KCNH7: variants seen among roughly 807,000 people sequenced by gnomAD.
KCNH7 encodes the protein voltage-gated inwardly rectifying potassium channel KCNH7.
KCNH7 carries 49 observed loss-of-function variants against 120.8 expected under a neutral mutation model. That is an observed-to-expected ratio of 0.41 (90% confidence interval 0.32 to 0.51). KCNH7 has a LOEUF of 0.51. Among genes scored for constraint, KCNH7 ranks in the 20% least tolerant of loss-of-function variants. The probability of loss-of-function intolerance (pLI) is 0.38; values close to 1 mark genes in which losing one functional copy is unlikely to be tolerated. For synonymous variants in KCNH7, 547 were observed against 516.1 expected (o/e 1.06, Z -0.81); for missense variants, 1,097 against 1,446.6 (o/e 0.76, Z 3.92).
chr2:162,815,581 T>G (rs1290438649), intron 2 of KCNH7, among the ~76,000 whole-genome samples: 5 of 152,180 alleles, frequency 3.3e-5, no homozygotes, highest in Non-Finnish European at 7.4e-5. Context: ...GAAGCCCTGA[T>G]GGGTTACACA....
intron 9 of KCNH7, among the ~76,000 whole-genome samples, chr2:162,401,212 C>T (rs901929788): frequency 2.0e-5 from 3 of 151,868 alleles, no homozygotes; most frequent in South Asian, 2.1e-4. Context: ...ACAACTGCTA[C>T]TCAATCTGAA....
chr2:162,751,042 C>T (rs66982638), intron 2 of KCNH7, among the ~76,000 whole-genome samples: 43,626 of 151,906 alleles, frequency 0.29, 10,674 homozygotes, highest in African/African-American at 0.66. Context: ...CAACAACAAC[C>T]GACTATTTCC....
At chr2:162,556,172 A>G (rs999754860) in intron 2 of KCNH7, among the ~76,000 whole-genome samples, 1 of 152,146 alleles carries the variant, frequency 6.6e-6, no homozygotes, top group African/African-American at 2.4e-5. Context: ...GCATGCTTAG[A>G]ATAGAATCTG....
At position 162,423,438 on chromosome 2, in the gene KCNH7, T is replaced by C. The variant is rs1573939792; in HGVS notation, c.2052A>G (p.Lys684=). 3.1e-6 allele frequency: 5 copies of C among 1,614,130 alleles called. No homozygotes were observed. Among genetic ancestry groups the C allele is most frequent in the African/African-American group, 2.7e-5 (2 of 75,072 alleles). The stretch of plus-strand genomic sequence containing the variant: ...GGATTTGGTGAAAGCGAATGAACTC[T>C]TTTACTCGCAGCATCTGCATGTGGT... The part of the protein sequence containing the change: ...ARYHMQMLRV[K]EFIRFHQIPN... Residue 684 remains lysine (K), a synonymous_variant, in exon 9 of 16, where the codon AAA becomes AAG. Coordinates refer to ENST00000332142, the MANE Select transcript of KCNH7 (RefSeq NM_033272.4).
chr2:162,749,244 C>T (rs1688457948), intron 2 of KCNH7, among the ~76,000 whole-genome samples: 2 of 148,046 alleles, frequency 1.4e-5, no homozygotes, highest in South Asian at 4.4e-4. Flanking sequence ...GGAGATCTAC[C>T]CAGTTAAGAC....
At chr2:162,650,993 A>G (rs760307109) in intron 2 of KCNH7, among the ~76,000 whole-genome samples, 29 of 152,300 alleles carry the variant, frequency 1.9e-4, no homozygotes, top group Admixed American at 1.0e-3. Flanking sequence ...AAAAACATGA[A>G]TAATTACTTA....
At chr2:162,467,549 G>A (rs1275826342) in intron 6 of KCNH7, among the ~76,000 whole-genome samples, 1 of 152,142 alleles carries the variant, frequency 6.6e-6, no homozygotes. Context: ...AGTGGAAGCA[G>A]CCTGAACACC....
At chr2:162,634,685 A>G (rs975944998) in intron 2 of KCNH7, among the ~76,000 whole-genome samples, 1 of 152,060 alleles carries the variant, frequency 6.6e-6, no homozygotes, top group Admixed American at 6.6e-5. Context: ...CTGTGTGCTT[A>G]GTATTCTTCC....
chr2:162,668,096 TTC>T (rs1015311618), intron 2 of KCNH7, among the ~76,000 whole-genome samples: 35 of 152,322 alleles, frequency 2.3e-4, no homozygotes, highest in African/African-American at 7.9e-4. Flanking sequence ...TCTTATTGAA[TTC>T]TTTTATGATA....
intron 2 of KCNH7, among the ~76,000 whole-genome samples, chr2:162,558,173 CTCTTTTTTTTTTT>C (rs1212334479): frequency 2.0e-5 from 3 of 149,866 alleles, no homozygotes; most frequent in Non-Finnish European, 4.4e-5. Flanking sequence ...GTCCTCAAGC[CTCTTTTTTTTTTT>C]TCTTTTTTTG....
At position 162,435,566 on chromosome 2, in the gene KCNH7, G is replaced by A. The variant is rs754032884; in HGVS notation, c.1586C>T (p.Ala529Val). 1 of 1,606,846 alleles carries A rather than the reference G, an allele frequency of 6.2e-7. No individual in the cohort carries two copies. The highest frequency in any genetic ancestry group is 8.5e-7 in the Non-Finnish European group (1 of 1,175,844). The change falls in exon 8 of 16, where the codon GCC becomes GTC. Residue 529 changes from alanine (A) to valine (V), a missense_variant. Physicochemically the swap from Ala to Val is moderately conservative, Grantham distance 64. Coordinates refer to ENST00000332142, the MANE Select transcript of KCNH7 (RefSeq NM_033272.4). ...TTTLIGLLKT[A>V]RLLRLVRVAR... is the part of the protein sequence containing the mutation. ...CACGCGCACAAGACGGAGGAGTCGG[G>A]CAGTCTTCAAAAGACCAATTAATGT...
chr2:162,581,430 G>A (rs182998321), intron 2 of KCNH7, among the ~76,000 whole-genome samples: 165 of 152,142 alleles, frequency 1.1e-3, no homozygotes, highest in African/African-American at 3.8e-3. Flanking sequence ...TAACAGCTGA[G>A]CAAGAATAGA....
intron 6 of KCNH7, among the ~76,000 whole-genome samples, chr2:162,470,018 G>A (rs914299440): frequency 6.6e-6 from 1 of 152,222 alleles, no homozygotes; most frequent in Non-Finnish European, 1.5e-5. Flanking sequence ...GCTCAATGGT[G>A]CCCAGGCTGG....
In KCNH7 at chr2:162,530,470, G is replaced by A. The variant is rs540021371; in HGVS notation, c.463+6455C>T. ...GACACGCTAGTGTGCGCGAGCGTGC[G>A]CGCACACACACACACACACACACAA... On this transcript the variant is annotated intron_variant, in intron 3 of 15. Transcript: ENST00000332142. Among the ~76,000 whole-genome samples the A allele has an allele frequency of 1.8e-4, 26 of 147,876 alleles. 1 individual carries two copies. In the South Asian group the frequency reaches 3.0e-3, roughly 17 times the overall value.
chr2:162,674,584 G>A (rs1443269877), intron 2 of KCNH7, among the ~76,000 whole-genome samples: 2 of 151,644 alleles, frequency 1.3e-5, no homozygotes, highest in East Asian at 3.8e-4. Flanking sequence ...CTATCCAAGA[G>A]ATATCAATAT....
At chr2:162,770,885 A>G (rs914107244) in intron 2 of KCNH7, among the ~76,000 whole-genome samples, 1 of 152,068 alleles carries the variant, frequency 6.6e-6, no homozygotes, top group African/African-American at 2.4e-5. Flanking sequence ...ACATCTTCCT[A>G]AAAAATTTCT....
chr2:162,433,248 A>G (rs140522523), intron 8 of KCNH7, among the ~76,000 whole-genome samples: 115 of 152,202 alleles, frequency 7.6e-4, no homozygotes, highest in African/African-American at 2.6e-3. Context: ...CAAACTACCA[A>G]TGTCATTTTC....
rs572291835 is a variant in KCNH7 at position 162,716,472 on chromosome 2, A to G, written c.307+120065T>C. 3.2e-4 allele frequency among the ~76,000 whole-genome samples: 48 copies of G among 152,322 alleles called. 1 individual carries two copies. Among genetic ancestry groups the G allele is most frequent in the Non-Finnish European group, 5.4e-4 (37 of 68,022 alleles). On this transcript the variant is annotated intron_variant, in intron 2 of 15. Transcript: ENST00000332142. ...GTCTCAGGATTCTTGTCTGTTAAAC[A>G]GAAGATAGATTATATGTGTTCTTTC...
At chr2:162,631,520 C>A (rs1200646567) in intron 2 of KCNH7, among the ~76,000 whole-genome samples, 1 of 151,988 alleles carries the variant, frequency 6.6e-6, no homozygotes, top group Non-Finnish European at 1.5e-5. Flanking sequence ...ACTATTATTT[C>A]TTAATTTTAA....
Sources: gnomAD v4.1 joint callset for allele counts (sites outside exome capture counted in the v4.1 genomes callset) on GRCh38, gnomAD v4.1.1 for gene constraint, MANE v1.5 for transcripts, NCBI Gene and HGNC (gene_info 2026-07-23, HGNC 2026-07-21) for gene names.